The following TENM3 variants were observed in gnomAD, a reference collection of about 807,000 sequenced individuals.
TENM3 encodes teneurin transmembrane protein 3.
Under a neutral mutation model 255.1 loss-of-function variants are expected in TENM3, and 63 were observed. That is an observed-to-expected ratio of 0.25 (90% CI 0.20 to 0.30). The LOEUF (loss-of-function observed/expected upper bound fraction) is 0.30, where lower values mean the gene tolerates loss of function less well. Among genes scored for constraint, TENM3 ranks in the 10% least tolerant of loss-of-function variants. The probability of loss-of-function intolerance (pLI) is 1.00; values close to 1 mark genes in which losing one functional copy is unlikely to be tolerated. For missense variants in TENM3, 2,929 were observed against 3,461.1 expected, an observed-to-expected ratio of 0.85 and a Z score of 3.86; for synonymous variants, 1,306 against 1,322.3, an observed-to-expected ratio of 0.99 and a Z score of 0.27.
At chr4:182,506,638 A>T (rs1171857931) in intron 3 of TENM3, among the ~76,000 whole-genome samples, 2 of 152,212 alleles carry the variant, frequency 1.3e-5, no homozygotes, top group Admixed American at 6.5e-5. Flanking sequence ...TCTGGTTGGG[A>T]TGTAACATAA....
chr4:182,494,095 C>T (rs1463457552), intron 3 of TENM3, among the ~76,000 whole-genome samples: 1 of 152,004 alleles, frequency 6.6e-6, no homozygotes, highest in Non-Finnish European at 1.5e-5. Context: ...TTCTAATTTC[C>T]TATTTTTTGC....
the TENM3 span, among the ~76,000 whole-genome samples, chr4:181,888,514 A>ATATATGTATATATATATATATG: frequency 2.2e-4 from 6 of 27,666 alleles, no homozygotes; most frequent in South Asian, 6.1e-3. Context: ...ATATATATAT[A>ATATATGTATATATATATATATG]TGTATATATA....
intron 3 of TENM3, among the ~76,000 whole-genome samples, chr4:182,567,524 T>C (rs1451476105): frequency 2.3e-4 from 35 of 152,150 alleles, no homozygotes; most frequent in Admixed American, 2.3e-3. Context: ...CTGGCTCCTG[T>C]TACCTCTGAA....
At chr4:182,780,411 C>T (rs1451955818) in intron 24 of TENM3, among the ~76,000 whole-genome samples, 1 of 110,074 alleles carries the variant, frequency 9.1e-6, no homozygotes, top group African/African-American at 4.0e-5. Flanking sequence ...TTCCATTGAT[C>T]TATATCTCTG....
chr4:182,748,593 AC>A (rs1762167367), intron 19 of TENM3, among the ~76,000 whole-genome samples: 1 of 152,192 alleles, frequency 6.6e-6, no homozygotes, highest in African/African-American at 2.4e-5. Flanking sequence ...CTTCACTGCC[AC>A]CAGTCTGTCA....
At chr4:181,623,901 G>C in the TENM3 span, among the ~76,000 whole-genome samples, 1 of 152,170 alleles carries the variant, frequency 6.6e-6, no homozygotes, top group Non-Finnish European at 1.5e-5. Flanking sequence ...ATATTGATGT[G>C]CTATTTCATA....
the TENM3 span, among the ~76,000 whole-genome samples, chr4:181,709,733 G>C: frequency 6.6e-6 from 1 of 152,236 alleles, no homozygotes; most frequent in Non-Finnish European, 1.5e-5. Flanking sequence ...AAGATTAACT[G>C]GGAGACTAGT....
chr4:181,984,370 A>G, the TENM3 span, among the ~76,000 whole-genome samples: 1 of 152,126 alleles, frequency 6.6e-6, no homozygotes, highest in Non-Finnish European at 1.5e-5. Context: ...ATGTATGCCT[A>G]TGACAGCGCT....
intron 2 of TENM3, among the ~76,000 whole-genome samples, chr4:182,329,984 A>G (rs150650943): frequency 1.8e-4 from 28 of 152,268 alleles, no homozygotes; most frequent in African/African-American, 6.5e-4. Context: ...TTTTTTACTT[A>G]CTAAAAATAA....
At chr4:182,657,354 AT>A (rs1393913456) in intron 6 of TENM3, among the ~76,000 whole-genome samples, 1 of 152,022 alleles carries the variant, frequency 6.6e-6, no homozygotes, top group East Asian at 1.9e-4. Context: ...ATGACCCTGC[AT>A]TCTATTAAAA....
the TENM3 span, among the ~76,000 whole-genome samples, chr4:181,468,151 G>A: frequency 6.6e-5 from 5 of 75,740 alleles, no homozygotes; most frequent in African/African-American, 9.5e-5. Context: ...AAAAAAATTG[G>A]TGTGGTGGCG....
At chr4:181,889,438 A>G in the TENM3 span, among the ~76,000 whole-genome samples, 103 of 152,298 alleles carry the variant, frequency 6.8e-4, 1 homozygote, top group South Asian at 6.0e-3. Context: ...GCAAGCAGAA[A>G]TAAATCGCTT....
chr4:181,588,799 G>T, the TENM3 span, among the ~76,000 whole-genome samples: 1 of 152,134 alleles, frequency 6.6e-6, no homozygotes, highest in East Asian at 1.9e-4. Context: ...ATTTCCAAAT[G>T]TCTGTAGGGT....
chr4:182,256,841 G>A (rs767492083), intron 1 of TENM3, among the ~76,000 whole-genome samples: 3 of 151,910 alleles, frequency 2.0e-5, no homozygotes, highest in African/African-American at 4.8e-5. Flanking sequence ...ATAGTTGTAG[G>A]CCAAATTCTG....
chr4:181,476,615 A>G, the TENM3 span, among the ~76,000 whole-genome samples: 2 of 152,180 alleles, frequency 1.3e-5, no homozygotes, highest in Non-Finnish European at 2.9e-5. Context: ...TAAATTATAC[A>G]TCCCATTCAA....
chr4:182,650,889 A>AAAATATATATATATATAT (rs1281790163), intron 5 of TENM3, among the ~76,000 whole-genome samples: 13 of 29,730 alleles, frequency 4.4e-4, no homozygotes, highest in Non-Finnish European at 6.8e-4. Flanking sequence ...AATAAAAAAA[A>AAAATATATATATATATAT]ATATATATAT....
the TENM3 span, among the ~76,000 whole-genome samples, chr4:181,590,264 T>TC: frequency 1.3e-5 from 2 of 152,138 alleles, no homozygotes; most frequent in Non-Finnish European, 1.5e-5. Context: ...CAACACAGGC[T>TC]CCTGGGAAAA....
chr4:182,729,080 G>T lies in TENM3; in HGVS notation c.2484G>T (p.Ser828=). The change falls in exon 14 of 28, where the codon TCG becomes TCT. Residue 828 remains serine, a synonymous_variant. Coordinates refer to ENST00000511685, the MANE Select transcript of TENM3 (RefSeq NM_001080477.4). ...PQDIISQSLQ[S]PSQQAAKSFY... The stretch of plus-strand genomic sequence containing the variant: ...ACATCATTAGCCAAAGCCTTCAATC[G>T]CCTTCTCAGCAAGCTGCCAAATCCT... The T allele has an allele frequency of 1.2e-6, 2 of 1,613,912 alleles. No homozygotes were observed. Among genetic ancestry groups the T allele is most frequent in the Non-Finnish European group, 1.7e-6 (2 of 1,179,876 alleles).
chr4:182,230,993 C>G (rs1011687676), intron 1 of TENM3, among the ~76,000 whole-genome samples: 1 of 151,408 alleles, frequency 6.6e-6, no homozygotes, highest in African/African-American at 2.4e-5. Context: ...CTGAGGGTCT[C>G]TAACACTCAG....
Sources: gnomAD v4.1 joint callset for allele counts (sites outside exome capture counted in the v4.1 genomes callset) on GRCh38, gnomAD v4.1.1 for gene constraint, MANE v1.5 for transcripts, NCBI Gene and HGNC (gene_info 2026-07-23, HGNC 2026-07-21) for gene names.